C1QTNF1: variants seen among roughly 807,000 people sequenced by gnomAD.
C1QTNF1 encodes the protein C1q and TNF related 1.
In C1QTNF1, 22 loss-of-function variants were observed where a neutral mutation model predicts 27.8. That is an observed-to-expected ratio of 0.79 (90% CI 0.56 to 1.13). The LOEUF is 1.13. Ranked by LOEUF, C1QTNF1 falls within the 50% of genes most tolerant of loss-of-function variation. The pLI is 0.00. For missense variants in C1QTNF1, 373 were observed against 380.2 expected (o/e 0.98, Z 0.16); for synonymous variants, 166 against 154.3 (o/e 1.08, Z -0.56).
In C1QTNF1 at chr17:79,047,561, C is replaced by T. The variant is rs1269829167; in HGVS notation, c.319C>T (p.Arg107Ter). Residue 107 changes from arginine to a stop codon, truncating the protein, a stop_gained, in exon 4 of 4, where the codon CGA (arginine) becomes TGA (stop). Coordinates refer to ENST00000579760, the MANE Select transcript of C1QTNF1 (RefSeq NM_030968.5). LOFTEE classifies it high-confidence loss of function. The part of the protein sequence containing the change: ...LKGEKGDRGD[R>*]GLQGKYGKTG... ...AGGGGAGAAGGGTGACCGCGGAGAT[C>T]GAGGCCTCCAAGGGAAATATGGCAA... 18 of 1,528,672 alleles carry T rather than the reference C, an allele frequency of 1.2e-5. No individual in the cohort carries two copies. Among genetic ancestry groups the T allele is most frequent in the South Asian group, 2.6e-5 (2 of 76,652 alleles). The allele number at this position is 1,528,672 out of a possible 1,614,324, so 94.7% of individuals were successfully genotyped here. A position where few individuals can be genotyped will look rare whatever the true frequency, so the allele number is the denominator to read the frequency against.
At chr17:79,043,623 A>ATG in intron 1 of C1QTNF1, 1 of 469,840 alleles carries the variant, frequency 2.1e-6, no homozygotes, top group South Asian at 1.6e-5. Flanking sequence ...GTGCATGTGA[A>ATG]TGTGTGGGTT....
intron 1 of C1QTNF1, among the ~76,000 whole-genome samples, chr17:79,028,550 T>A (rs1252877511): frequency 6.6e-6 from 1 of 152,128 alleles, no homozygotes; most frequent in East Asian, 1.9e-4. Context: ...CTGGGTGGGT[T>A]AGGGGGTGAC....
chr17:79,034,134 G>A (rs2072207783), intron 1 of C1QTNF1: 1 of 152,310 alleles, frequency 6.6e-6, no homozygotes, highest in South Asian at 2.1e-4. Flanking sequence ...GTAAAGGGCT[G>A]GGTGCGACGG....
Position 79,047,870 on chromosome 17 carries a change from C to T in C1QTNF1, c.628C>T (p.His210Tyr). 1 of 1,614,216 alleles carries T rather than the reference C, an allele frequency of 6.2e-7. No individual in the cohort carries two copies. Among genetic ancestry groups the T allele is most frequent in the Non-Finnish European group, 8.5e-7 (1 of 1,180,038 alleles). Reference sequence around the variant, plus strand: ...CTGGAACCAGAAGGAGACCTACCTGCACATCATGAAGAACGAGGAGGAGGT... The same window carrying T: ...CTGGAACCAGAAGGAGACCTACCTGTACATCATGAAGAACGAGGAGGAGGT... ...HTWNQKETYLHIMKNEEEVVI... is the reference protein window; with the variant it reads ...HTWNQKETYLYIMKNEEEVVI... Residue 210 changes from histidine (H) to tyrosine (Y), a missense_variant, in exon 4 of 4, where the codon CAC (histidine) becomes TAC (tyrosine). By Grantham distance (83) the His-to-Tyr change is moderately conservative. Transcript: ENST00000579760.
At chr17:79,036,502 T>A (rs1234729787) in intron 1 of C1QTNF1, among the ~76,000 whole-genome samples, 1 of 152,240 alleles carries the variant, frequency 6.6e-6, no homozygotes, top group African/African-American at 2.4e-5. Context: ...ATTGAATGCT[T>A]GAAATGCGGC....
intron 2 of C1QTNF1, among the ~76,000 whole-genome samples, 159 bp downstream of exon 2, chr17:79,044,282 C>T (rs564850398): frequency 3.3e-5 from 5 of 152,282 alleles, no homozygotes; most frequent in South Asian, 2.1e-4. Context: ...GCAGGACAGA[C>T]GAGCGATTCC....
chr17:79,026,708 G>T (rs2071972605), intron 1 of C1QTNF1, among the ~76,000 whole-genome samples: 1 of 152,104 alleles, frequency 6.6e-6, no homozygotes, highest in Non-Finnish European at 1.5e-5. Flanking sequence ...GCCCTAGGTG[G>T]GCGCTGTGCG....
chr17:79,023,290 A>G (rs1394484650), upstream of C1QTNF1, among the ~76,000 whole-genome samples: 1 of 152,200 alleles, frequency 6.6e-6, no homozygotes, highest in Non-Finnish European at 1.5e-5. Context: ...TGTTATCATC[A>G]GAGCTGGCTT....
At chr17:79,024,588 G>C (rs908985906) in intron 1 of C1QTNF1, 94 bp downstream of exon 1, 1 of 152,326 alleles carries the variant, frequency 6.6e-6, no homozygotes, top group African/African-American at 2.4e-5. Context: ...CACCTGGGCC[G>C]GGACGGACGG....
Position 79,048,086 on chromosome 17 carries a change from T to C in C1QTNF1, c.844T>C (p.Ter282GlnextTer37). Residue 282 changes from the stop codon to glutamine (Q), a stop_lost, in exon 4 of 4, where the codon TAG (stop) becomes CAG (glutamine). Coordinates refer to ENST00000579760, the MANE Select transcript of C1QTNF1 (RefSeq NM_030968.5). ...GYLVKHATEP[*>Q] The stretch of plus-strand genomic sequence containing the variant: ...CCTGGTCAAGCACGCCACCGAGCCC[T>C]AGCTGGCCGGCCACCTCCTTTCCTC... 2 of 1,548,784 alleles carry C rather than the reference T, an allele frequency of 1.3e-6. No individual in the cohort carries two copies. Among genetic ancestry groups the C allele is most frequent in the Non-Finnish European group, 1.7e-6 (2 of 1,152,554 alleles).
At chr17:79,043,873 T>C (rs1311621437) in intron 1 of C1QTNF1, 82 bp from the exon 2 acceptor site, 4 of 1,510,268 alleles carry the variant, frequency 2.6e-6, no homozygotes, top group Non-Finnish European at 3.7e-6. Flanking sequence ...TCCAGGCTGT[T>C]TCTCTCCCCA....
At chr17:79,034,757 G>C (rs1384431835) in intron 1 of C1QTNF1, among the ~76,000 whole-genome samples, 1 of 152,162 alleles carries the variant, frequency 6.6e-6, no homozygotes, top group Non-Finnish European at 1.5e-5. Context: ...AAACACCTAA[G>C]CCTTAAAAAC....
At chr17:79,026,108 A>T (rs1599273930) in intron 1 of C1QTNF1, among the ~76,000 whole-genome samples, 2 of 152,082 alleles carry the variant, frequency 1.3e-5, no homozygotes, top group East Asian at 3.9e-4. Context: ...AGAGACAGGG[A>T]TGGAGGACTC....
intron 1 of C1QTNF1, among the ~76,000 whole-genome samples, chr17:79,031,829 A>G (rs1360029070): frequency 6.6e-6 from 1 of 152,214 alleles, no homozygotes; most frequent in East Asian, 1.9e-4. Flanking sequence ...TCTTTGAAGC[A>G]ATAGACTTTC....
Position 79,049,428 on chromosome 17 carries a change from G to C in C1QTNF1, c.*1340G>C, listed in dbSNP as rs574346340. On this transcript the variant is annotated 3_prime_UTR_variant, in exon 4 of 4. Coordinates refer to ENST00000579760, the MANE Select transcript of C1QTNF1 (RefSeq NM_030968.5). The surrounding 1 kb of genome is among the most constrained non-coding windows in gnomAD (Gnocchi z 4.4). Reference sequence around the variant, plus strand: ...TGGAGCAGGGTTGCGGTGTCTCCACGGTGCTCTCGCCCTGCCCATGGCCAC... The same window carrying C: ...TGGAGCAGGGTTGCGGTGTCTCCACCGTGCTCTCGCCCTGCCCATGGCCAC... 6.6e-6 allele frequency: 1 copy of C among 152,346 alleles called. No homozygotes were observed. Among genetic ancestry groups the C allele is most frequent in the African/African-American group, 2.4e-5 (1 of 41,424 alleles). 9.4% of individuals were successfully genotyped at this position (152,346 alleles called of 1,614,324 possible). A position where few individuals can be genotyped will look rare whatever the true frequency, so the allele number is the denominator to read the frequency against.
At chr17:79,032,401 G>C (rs1761137556) in intron 1 of C1QTNF1, among the ~76,000 whole-genome samples, 1 of 152,202 alleles carries the variant, frequency 6.6e-6, no homozygotes, top group African/African-American at 2.4e-5. Context: ...GGGTGGGGAA[G>C]GGCCAGATGG....
At chr17:79,043,210 G>A in intron 1 of C1QTNF1, 2 of 446,486 alleles carry the variant, frequency 4.5e-6, no homozygotes, top group Non-Finnish European at 4.4e-6. Context: ...TGTGTGGATT[G>A]CATGTGTGTG....
At chr17:79,040,951 T>A (rs183938804) in intron 1 of C1QTNF1, among the ~76,000 whole-genome samples, 210 of 152,206 alleles carry the variant, frequency 1.4e-3, no homozygotes, top group African/African-American at 3.8e-3. Context: ...TGTTTTCTCA[T>A]TTACATATCT....
In C1QTNF1 at chr17:79,045,965, G is replaced by A. The variant is rs114905227; in HGVS notation, c.156-590G>A. On this transcript the variant is annotated intron_variant, in intron 2 of 3. Transcript: ENST00000579760. ...CATCCAGGGGGACTTTGCTGCCCCC[G>A]TGGGTCTGCGCAGCTCTACAGCCTG... 3.5e-3 allele frequency among the ~76,000 whole-genome samples: 531 copies of A among 152,282 alleles called. 2 individuals carry two copies. Among genetic ancestry groups the A allele is most frequent in the African/African-American group, 0.012 (502 of 41,542 alleles).
Sources: gnomAD v4.1 joint callset for allele counts (sites outside exome capture counted in the v4.1 genomes callset) on GRCh38, gnomAD v4.1.1 for gene constraint, Gnocchi (gnomAD v3.1) non-coding constraint, MANE v1.5 for transcripts, NCBI Gene and HGNC (gene_info 2026-07-23, HGNC 2026-07-21) for gene names.